Variants in BTBD1 observed in about 807,000 individuals in gnomAD.
The protein encoded by BTBD1 is BTB domain containing 1.
Under a neutral mutation model 48.0 loss-of-function variants are expected in BTBD1, and 34 were observed. That is an observed-to-expected ratio of 0.71 (90% CI 0.54 to 0.94). The LOEUF (loss-of-function observed/expected upper bound fraction) is 0.94, where lower values mean the gene tolerates loss of function less well. Among genes scored for constraint, BTBD1 ranks in the 40% least tolerant of loss-of-function variants. The pLI is 0.00. For missense variants in BTBD1, 543 were observed against 625.6 expected (o/e 0.87, Z 1.41); for synonymous variants, 261 against 242.1 (o/e 1.08, Z -0.72).
At chr15:83,039,463 G>T (rs1322538320) in intron 4 of BTBD1, among the ~76,000 whole-genome samples, 2 of 152,084 alleles carry the variant, frequency 1.3e-5, no homozygotes, top group Non-Finnish European at 2.9e-5. Context: ...GCAGTTTGGA[G>T]ATTTTTTAAA....
intron 6 of BTBD1, 24 bp from the exon 7 acceptor site, chr15:83,018,877 ACATTT>A (rs2032226214): frequency 6.2e-7 from 1 of 1,602,644 alleles, no homozygotes; most frequent in African/African-American, 1.3e-5. Flanking sequence ...GAGACAAGTT[ACATTT>A]AAGTTAAACC....
At chr15:83,024,188 A>G (rs2032359458) in intron 5 of BTBD1, 1 of 152,116 alleles carries the variant, frequency 6.6e-6, no homozygotes, top group East Asian at 1.9e-4. Context: ...TTGATTATTA[A>G]TGAGGTAAAA....
At position 83,030,315 on chromosome 15, in the gene BTBD1, A is replaced by C; in HGVS notation, c.876T>G (p.Ser292=). ...IEEFAAGPAQ[S]GILSDREVVN... The stretch of plus-strand genomic sequence containing the variant: ...CCACTTCACGATCTGACAAAATTCC[A>C]GATTGAGCAGGACCTGTGGAAATAA... The change falls in exon 5 of 8, where the codon TCT becomes TCG. Residue 292 remains serine, a synonymous_variant. Coordinates refer to ENST00000261721, the MANE Select transcript of BTBD1 (RefSeq NM_025238.4). 1 of 1,613,920 alleles carries C rather than the reference A, an allele frequency of 6.2e-7. No individual in the cohort carries two copies. Among genetic ancestry groups the C allele is most frequent in the Non-Finnish European group, 8.5e-7 (1 of 1,179,846 alleles).
At position 83,067,216 on chromosome 15, in the gene BTBD1, G is replaced by GGAGGCCGGCGCTGCCTCCC. The variant is rs1567116184; in HGVS notation, c.-84_-66dup. The GGAGGCCGGCGCTGCCTCCC allele has an allele frequency of 3.8e-6, 5 of 1,321,452 alleles. No individual in the cohort carries two copies. The highest frequency in any genetic ancestry group is 4.8e-6 in the Non-Finnish European group (5 of 1,034,324). 81.9% of individuals were successfully genotyped at this position (1,321,452 alleles called of 1,614,324 possible). A position where few individuals can be genotyped will look rare whatever the true frequency, so the allele number is the denominator to read the frequency against. On this transcript the variant is annotated 5_prime_UTR_variant, in exon 1 of 8. Coordinates refer to ENST00000261721, the MANE Select transcript of BTBD1 (RefSeq NM_025238.4). ...CGCCGCCATCGCCCAGGCCGCCTCCGGAGGCCGGCGCTGCCTCCCTGCCTT... is the reference window on the plus strand; with the variant it reads ...CGCCGCCATCGCCCAGGCCGCCTCCGGAGGCCGGCGCTGCCTCCCGAGGCCGGCGCTGCCTCCCTGCCTT...
At chr15:83,060,568 CG>C (rs1351901767) in intron 1 of BTBD1, among the ~76,000 whole-genome samples, 1 of 151,784 alleles carries the variant, frequency 6.6e-6, no homozygotes, top group East Asian at 1.9e-4. Flanking sequence ...CCGAGGCAGG[CG>C]GATCACCTGG....
intron 2 of BTBD1, among the ~76,000 whole-genome samples, chr15:83,051,905 T>G (rs8023669): frequency 9.7e-6 from 1 of 102,856 alleles, no homozygotes; most frequent in Non-Finnish European, 2.1e-5. Flanking sequence ...CACACACACA[T>G]CTATCTGGGA....
chr15:83,032,096 G>A (rs1262534007), intron 4 of BTBD1, among the ~76,000 whole-genome samples: 1 of 152,166 alleles, frequency 6.6e-6, no homozygotes, highest in African/African-American at 2.4e-5. Context: ...GCCGAGGCAG[G>A]CAGATCCCAA....
At position 83,056,590 on chromosome 15, in the gene BTBD1, T is replaced by C. The variant is rs1394235180; in HGVS notation, c.402-45A>G. The C allele has an allele frequency of 6.6e-6, 10 of 1,511,532 alleles. No homozygotes were observed. The East Asian group carries it at 6.8e-5, about 10-fold the overall frequency. 93.6% of individuals were successfully genotyped at this position (1,511,532 alleles called of 1,614,324 possible). ...TTTGCAGAGATGGTCAGTAATGTTT[T>C]AGATAAGCAATCCATCACAGTTAAA... On this transcript the variant is annotated intron_variant, in intron 1 of 7. Coordinates refer to ENST00000261721, the MANE Select transcript of BTBD1 (RefSeq NM_025238.4).
chr15:83,037,332 C>A (rs2032650325), intron 4 of BTBD1, among the ~76,000 whole-genome samples: 1 of 152,058 alleles, frequency 6.6e-6, no homozygotes, highest in African/African-American at 2.4e-5. Context: ...AAGCTCATGG[C>A]CAGCCTGAGC....
At chr15:83,026,487 C>G (rs565028228) in intron 5 of BTBD1, among the ~76,000 whole-genome samples, 10 of 149,764 alleles carry the variant, frequency 6.7e-5, no homozygotes, top group African/African-American at 2.0e-4. Context: ...AACCTCATTC[C>G]ATTTTGTTTA....
At position 83,018,196 on chromosome 15, in the gene BTBD1, T is replaced by C. The variant is rs114342767; in HGVS notation, c.1320A>G (p.Gly440=). The change falls in exon 8 of 8, where the codon GGA becomes GGG. Residue 440 remains glycine, a synonymous_variant. Coordinates refer to ENST00000261721, the MANE Select transcript of BTBD1 (RefSeq NM_025238.4). ...GTGTCTCATGCACTACTTTCTTCAA[T>C]CCTTTTGTGCCATAGTGGGAATCTG... ...KGPDSHYGTK[G]LKKVVHETPA... 2.7e-4 allele frequency: 435 copies of C among 1,605,120 alleles called. No individual in the cohort carries two copies. The African/African-American group carries it at 5.4e-3, about 20-fold the overall frequency.
rs796704524 is a variant in BTBD1 at position 83,066,764 on chromosome 15, G to T, written c.388C>A (p.Leu130Met). The change falls in exon 1 of 8, where the codon CTG becomes ATG. Residue 130 changes from leucine to methionine, a missense_variant. Around this residue, in one of 3 missense-constraint regions of BTBD1, gnomAD observed 70 missense variants for 111.7 expected, o/e 0.63. Coordinates refer to ENST00000261721, the MANE Select transcript of BTBD1 (RefSeq NM_025238.4). ...GCTGCCGCTCACCTCAGCAGCGCCA[G>T]GAAGGCTGCGGGCTCCACGTCCGGC... ...ELPDVEPAAFLALLRFLYSDE... is the reference protein window; with the variant it reads ...ELPDVEPAAFMALLRFLYSDE... 2.1e-6 allele frequency: 3 copies of T among 1,414,052 alleles called. No individual in the cohort carries two copies. Among genetic ancestry groups the T allele is most frequent in the Non-Finnish European group, 2.8e-6 (3 of 1,090,164 alleles). 87.6% of individuals were successfully genotyped at this position (1,414,052 alleles called of 1,614,324 possible).
intron 6 of BTBD1, among the ~76,000 whole-genome samples, 178 bp from the exon 7 acceptor site, chr15:83,019,031 AGACT>A: frequency 6.7e-6 from 1 of 149,686 alleles, no homozygotes; most frequent in Non-Finnish European, 1.5e-5. Context: ...TGTTTGAGAC[AGACT>A]CTCTCACTCT....
chr15:83,022,591 G>C (rs973893606), intron 5 of BTBD1: 1 of 152,158 alleles, frequency 6.6e-6, no homozygotes, highest in East Asian at 1.9e-4. Flanking sequence ...GAATTGCTTA[G>C]AACCCGGGAG....
intron 1 of BTBD1, among the ~76,000 whole-genome samples, chr15:83,066,495 G>T (rs1267450248): frequency 6.6e-6 from 1 of 152,142 alleles, no homozygotes; most frequent in Non-Finnish European, 1.5e-5. Flanking sequence ...AATGCGAAAC[G>T]CCTTTCAATG....
chr15:83,032,049 G>A (rs2032527896), intron 4 of BTBD1, among the ~76,000 whole-genome samples: 1 of 152,158 alleles, frequency 6.6e-6, no homozygotes, highest in Non-Finnish European at 1.5e-5. Context: ...AGGACTGGGG[G>A]TGGTGGCTCA....
At chr15:83,034,783 C>T (rs1038095828) in intron 4 of BTBD1, among the ~76,000 whole-genome samples, 3 of 152,242 alleles carry the variant, frequency 2.0e-5, no homozygotes, top group African/African-American at 4.8e-5. Flanking sequence ...AACACATTCT[C>T]AATCATACCC....
At chr15:83,029,589 C>G (rs1176870669) in intron 5 of BTBD1, 1 of 152,598 alleles carries the variant, frequency 6.6e-6, no homozygotes, top group Non-Finnish European at 1.5e-5. Flanking sequence ...AATCATGTAA[C>G]AGCTGGGCGT....
chr15:83,026,675 C>G (rs753491043), intron 5 of BTBD1, among the ~76,000 whole-genome samples: 1 of 151,796 alleles, frequency 6.6e-6, no homozygotes, highest in Non-Finnish European at 1.5e-5. Flanking sequence ...GGCATGTGCC[C>G]CCACACCTGG....
Sources: allele counts gnomAD v4.1 joint callset (sites outside exome capture counted in the v4.1 genomes callset), GRCh38; gene constraint gnomAD v4.1.1; regional missense constraint gnomAD v4.1.1; transcripts MANE v1.5; gene names NCBI Gene and HGNC (gene_info 2026-07-23, HGNC 2026-07-21).